TMCC3: variants seen among roughly 807,000 people sequenced by gnomAD.
TMCC3 encodes the protein transmembrane and coiled-coil domain family 3, also known as transmembrane and coiled-coil domain protein 3.
In TMCC3, 28 loss-of-function variants were observed where a neutral mutation model predicts 40.2. That is an observed-to-expected ratio of 0.70 (90% CI 0.52 to 0.95). TMCC3 has a LOEUF of 0.95. Among genes scored for constraint, TMCC3 ranks in the 40% least tolerant of loss-of-function variants. The pLI is 0.00. For synonymous variants in TMCC3, 255 were observed against 248.5 expected (o/e 1.03, Z -0.25); for missense variants, 554 against 615.2 (o/e 0.90, Z 1.05).
chr12:94,618,144 C>T (rs769869339), intron 1 of TMCC3, among the ~76,000 whole-genome samples: 5 of 152,240 alleles, frequency 3.3e-5, no homozygotes, highest in Non-Finnish European at 5.9e-5. Flanking sequence ...GTAAGGCATA[C>T]ATAATTCAGT....
At position 94,571,370 on chromosome 12, in the gene TMCC3, T is replaced by C. The variant is rs1403190158; in HGVS notation, c.*65A>G. On this transcript the variant is annotated 3_prime_UTR_variant, in exon 4 of 4. Coordinates refer to ENST00000261226, the MANE Select transcript of TMCC3 (RefSeq NM_020698.4). Reference sequence around the variant, plus strand: ...CACAATCATTCACTGTAAAATTTGGTAGTATGCACAGAGTTTTCTTTAAAA... The same window carrying C: ...CACAATCATTCACTGTAAAATTTGGCAGTATGCACAGAGTTTTCTTTAAAA... 6.6e-7 allele frequency: 1 copy of C among 1,522,480 alleles called. No individual in the cohort carries two copies. Among genetic ancestry groups the C allele is most frequent in the Non-Finnish European group, 8.9e-7 (1 of 1,120,100 alleles). The allele number at this position is 1,522,480 out of a possible 1,614,324, so 94.3% of individuals were successfully genotyped here. A position where few individuals can be genotyped will look rare whatever the true frequency, so the allele number is the denominator to read the frequency against.
intron 1 of TMCC3, among the ~76,000 whole-genome samples, chr12:94,639,244 T>G (rs1472519302): frequency 2.0e-5 from 3 of 152,200 alleles, no homozygotes; most frequent in Non-Finnish European, 4.4e-5. Context: ...CTTATCAGAT[T>G]GGGCTTCTGT....
At chr12:94,604,831 A>G (rs1276040294) in intron 1 of TMCC3, among the ~76,000 whole-genome samples, 2 of 148,420 alleles carry the variant, frequency 1.3e-5, no homozygotes, top group East Asian at 3.9e-4. Context: ...AAAAGAAGTA[A>G]TAAGTACTAT....
intron 1 of TMCC3, among the ~76,000 whole-genome samples, chr12:94,605,452 T>C (rs1392044716): frequency 6.6e-6 from 1 of 152,230 alleles, no homozygotes; most frequent in African/African-American, 2.4e-5. Flanking sequence ...ACTTGTTGCA[T>C]ACCAACATTA....
intron 1 of TMCC3, among the ~76,000 whole-genome samples, chr12:94,600,824 C>A (rs2068747957): frequency 1.3e-5 from 2 of 152,148 alleles, no homozygotes; most frequent in South Asian, 4.2e-4. Context: ...TTTGTTTTAT[C>A]ATCTTTGCTG....
intron 1 of TMCC3, among the ~76,000 whole-genome samples, chr12:94,620,594 AT>A (rs946763576): frequency 1.4e-4 from 20 of 147,064 alleles, no homozygotes; most frequent in East Asian, 3.9e-4. Flanking sequence ...GGCCTGTGGA[AT>A]TTTTTTTTTT....
rs893580973 is a variant in TMCC3, at chr12:94,624,105, T to A, written c.78+26248A>T. Among the ~76,000 whole-genome samples, 4 of 152,238 alleles carry A rather than the reference T, an allele frequency of 2.6e-5. No homozygotes were observed. In the East Asian group the frequency reaches 7.7e-4, roughly 29 times the overall value. On this transcript the variant is annotated intron_variant, in intron 1 of 3. Transcript: ENST00000261226. ...CGATACCACTTCATACTTACTAGGA[T>A]GGCTGTAATTAAAAGACAGATAATA...
chr12:94,640,965 C>T lies in TMCC3; in HGVS notation c.78+9388G>A, dbSNP rs555991503. ...CTGTAATCCCAGCACTTTGGGAGGC[C>T]AAGGCAGGCAGATCACCTGAGGTCA... is the stretch of plus-strand genomic sequence containing the variant. On this transcript the variant is annotated intron_variant, in intron 1 of 3. Transcript: ENST00000261226. Among the ~76,000 whole-genome samples the T allele has an allele frequency of 9.9e-5, 15 of 152,266 alleles. No individual in the cohort carries two copies. In the South Asian group the frequency reaches 2.9e-3, roughly 29 times the overall value.
intron 1 of TMCC3, among the ~76,000 whole-genome samples, chr12:94,632,215 A>G (rs540655636): frequency 6.6e-6 from 1 of 152,360 alleles, no homozygotes; most frequent in South Asian, 2.1e-4. Context: ...CTACATCTTA[A>G]TTGAATGTGG....
intron 3 of TMCC3, among the ~76,000 whole-genome samples, chr12:94,577,088 A>G (rs542544204): frequency 6.6e-6 from 1 of 152,328 alleles, no homozygotes; most frequent in South Asian, 2.1e-4. Context: ...GTAAATGGGA[A>G]AAAAAGAAAC....
At chr12:94,635,660 GTTTT>G (rs63480462) in intron 1 of TMCC3, among the ~76,000 whole-genome samples, 52 of 89,302 alleles carry the variant, frequency 5.8e-4, no homozygotes, top group African/African-American at 2.0e-3. Flanking sequence ...GTGTATGTGG[GTTTT>G]TTTTTTTTTT....
At chr12:94,599,333 C>T (rs766574869) in intron 1 of TMCC3, among the ~76,000 whole-genome samples, 41 of 152,118 alleles carry the variant, frequency 2.7e-4, no homozygotes, top group South Asian at 6.2e-4. Context: ...AACAGTGATG[C>T]TGCTGTCACC....
intron 1 of TMCC3, among the ~76,000 whole-genome samples, chr12:94,599,277 A>T (rs1281143297): frequency 6.6e-6 from 1 of 152,192 alleles, no homozygotes; most frequent in Non-Finnish European, 1.5e-5. Flanking sequence ...TATTAAACCT[A>T]ACATACCCCA....
chr12:94,650,544 C>T lies in TMCC3; in HGVS notation c.-114G>A. ...GGGCGAGGGGGCGGCGCGGCTGCTG[C>T]AGCTGTTGCCTCTGGTGCCAACACC... is the stretch of plus-strand genomic sequence containing the variant. On this transcript the variant is annotated 5_prime_UTR_variant, in exon 1 of 4. Coordinates refer to ENST00000261226, the MANE Select transcript of TMCC3 (RefSeq NM_020698.4). 3.5e-6 allele frequency: 3 copies of T among 851,268 alleles called. No individual in the cohort carries two copies. Among genetic ancestry groups the T allele is most frequent in the Non-Finnish European group, 4.6e-6 (3 of 654,522 alleles). The allele number at this position is 851,268 out of a possible 1,614,324, so 52.7% of individuals were successfully genotyped here.
intron 1 of TMCC3, among the ~76,000 whole-genome samples, chr12:94,637,583 G>C (rs748540382): frequency 6.6e-6 from 1 of 152,226 alleles, no homozygotes; most frequent in Admixed American, 6.5e-5. Context: ...AGTGTTCAGC[G>C]TGGTAATATC....
Position 94,571,524 on chromosome 12 carries a change from T to C in TMCC3, c.1345A>G (p.Thr449Ala). Residue 449 changes from threonine (T) to alanine (A), a missense_variant, in exon 4 of 4, where the codon ACC (threonine) becomes GCC (alanine). Thr to Ala is a moderately conservative substitution (Grantham distance 58). Transcript: ENST00000261226. ...MMKSRCHILGTFFAVTLLAIF... is the reference protein window; with the variant it reads ...MMKSRCHILGAFFAVTLLAIF... ...GCAAGAAGAGTCACGGCAAAGAAGG[T>C]GCCAAGAATGTGGCAGCGACTCTTC... is the stretch of plus-strand genomic sequence containing the variant. 1.2e-6 allele frequency: 2 copies of C among 1,614,130 alleles called. No individual in the cohort carries two copies. Among genetic ancestry groups the C allele is most frequent in the Non-Finnish European group, 1.7e-6 (2 of 1,180,004 alleles).
At chr12:94,587,555 T>C (rs2068645475) in intron 1 of TMCC3, among the ~76,000 whole-genome samples, 1 of 152,176 alleles carries the variant, frequency 6.6e-6, no homozygotes, top group Non-Finnish European at 1.5e-5. Context: ...AAAATGGACA[T>C]AATGATTCTT....
At chr12:94,601,825 A>AAG (rs2068754901) in intron 1 of TMCC3, among the ~76,000 whole-genome samples, 1 of 150,178 alleles carries the variant, frequency 6.7e-6, no homozygotes, top group Non-Finnish European at 1.5e-5. Flanking sequence ...AAAAAAAAAA[A>AAG]AAAAAAAAAA....
intron 1 of TMCC3, among the ~76,000 whole-genome samples, chr12:94,610,542 T>C (rs2068809727): frequency 6.6e-6 from 1 of 152,066 alleles, no homozygotes; most frequent in South Asian, 2.1e-4. Context: ...TCTAAAAAAA[T>C]GATAGTCTGC....
Sources: gnomAD v4.1 joint callset for allele counts (sites outside exome capture counted in the v4.1 genomes callset) on GRCh38, gnomAD v4.1.1 for gene constraint, MANE v1.5 for transcripts, NCBI Gene and HGNC (gene_info 2026-07-23, HGNC 2026-07-21) for gene names.